FAM53B: variants seen among roughly 807,000 people sequenced by gnomAD.
The protein encoded by FAM53B is protein FAM53B.
Under a neutral mutation model 32.7 loss-of-function variants are expected in FAM53B, and 12 were observed. The observed-to-expected ratio is 0.37, with a 90% CI of 0.24 to 0.59. The LOEUF is 0.59. Ranked by LOEUF, FAM53B falls within the 20% of genes least tolerant of loss-of-function variation. FAM53B has a pLI of 0.72. For missense variants in FAM53B, 477 were observed against 577.7 expected (o/e 0.83, Z 1.79); for synonymous variants, 234 against 228.7 (o/e 1.02, Z -0.21).
chr10:124,696,300 A>G (rs568233826), intron 2 of FAM53B, 88 bp from the exon 3 acceptor site: 114 of 1,133,238 alleles, frequency 1.0e-4, no homozygotes, highest in South Asian at 8.1e-4. Flanking sequence ...AAGTCACAAT[A>G]AAAGGGTGAC....
intron 3 of FAM53B, among the ~76,000 whole-genome samples, chr10:124,687,607 C>T (rs925368622): frequency 2.6e-5 from 4 of 152,164 alleles, no homozygotes; most frequent in African/African-American, 4.8e-5. Flanking sequence ...CTGTGGAATC[C>T]GGCTGGAATG....
intron 1 of FAM53B, among the ~76,000 whole-genome samples, chr10:124,739,630 C>T (rs1169250576): frequency 2.6e-5 from 4 of 152,162 alleles, no homozygotes; most frequent in East Asian, 3.8e-4. Context: ...AAGTCCTTCC[C>T]GAGACTTACA....
intron 4 of FAM53B, among the ~76,000 whole-genome samples, chr10:124,650,308 T>C (rs1949548276): frequency 2.0e-5 from 3 of 152,322 alleles, no homozygotes; most frequent in African/African-American, 7.2e-5. Context: ...AGGTGTCGTC[T>C]ACCCTGAATC....
At chr10:124,730,598 G>A (rs571104614) in intron 1 of FAM53B, among the ~76,000 whole-genome samples, 13 of 152,190 alleles carry the variant, frequency 8.5e-5, no homozygotes, top group Non-Finnish European at 1.8e-4. Flanking sequence ...CCCACACTGG[G>A]ACACAGTCTC....
chr10:124,716,837 T>C (rs1950041049), intron 1 of FAM53B, among the ~76,000 whole-genome samples: 2 of 151,762 alleles, frequency 1.3e-5, no homozygotes, highest in African/African-American at 4.8e-5. Context: ...GATGCCGCCT[T>C]CTGCTCCAAA....
In FAM53B at chr10:124,621,245, A is replaced by G. The variant is rs1004039404; in HGVS notation, c.*1997T>C. On this transcript the variant is annotated 3_prime_UTR_variant, in exon 5 of 5. Coordinates refer to ENST00000337318, the MANE Select transcript of FAM53B (RefSeq NM_014661.4). ...GCCAGGACCCCCCACGCCCAGTGGT[A>G]CTCCGGGGGCAAGACATGGCCATGT... 2 of 152,140 alleles carry G rather than the reference A, an allele frequency of 1.3e-5. No individual in the cohort carries two copies. Among genetic ancestry groups the G allele is most frequent in the Non-Finnish European group, 2.9e-5 (2 of 68,014 alleles). 9.4% of individuals were successfully genotyped at this position (152,140 alleles called of 1,614,324 possible).
At chr10:124,722,677 A>T (rs1414369330) in intron 1 of FAM53B, among the ~76,000 whole-genome samples, 1 of 152,254 alleles carries the variant, frequency 6.6e-6, no homozygotes, top group Non-Finnish European at 1.5e-5. Flanking sequence ...TCAAAAATAT[A>T]AAAAATACTG....
intron 2 of FAM53B, among the ~76,000 whole-genome samples, chr10:124,698,900 C>T (rs905845149): frequency 6.6e-6 from 1 of 152,226 alleles, no homozygotes; most frequent in East Asian, 1.9e-4. Context: ...GCCTACAGGG[C>T]CCCATATGAG....
intron 1 of FAM53B, among the ~76,000 whole-genome samples, chr10:124,729,412 C>T (rs779704773): frequency 3.9e-5 from 6 of 152,188 alleles, no homozygotes; most frequent in Non-Finnish European, 7.3e-5. Flanking sequence ...AAATTTTCCA[C>T]GTACGACCTC....
At chr10:124,697,093 T>A (rs1949878394) in intron 2 of FAM53B, among the ~76,000 whole-genome samples, 1 of 152,064 alleles carries the variant, frequency 6.6e-6, no homozygotes, top group African/African-American at 2.4e-5. Context: ...GGTCCTCTCA[T>A]GAGCAGAGAC....
intron 4 of FAM53B, among the ~76,000 whole-genome samples, chr10:124,641,219 C>T (rs938963264): frequency 4.6e-5 from 7 of 152,182 alleles, no homozygotes; most frequent in African/African-American, 1.2e-4. Context: ...ACCTCTTCCT[C>T]GATATGTTGG....
At chr10:124,658,343 A>C (rs755969385) in intron 4 of FAM53B, among the ~76,000 whole-genome samples, 5 of 152,186 alleles carry the variant, frequency 3.3e-5, no homozygotes, top group Non-Finnish European at 7.4e-5. Context: ...CAGGAGTCCC[A>C]GGCTATGGAC....
chr10:124,641,996 C>T (rs10794173), intron 4 of FAM53B, among the ~76,000 whole-genome samples: 59,907 of 152,132 alleles, frequency 0.39, 13,699 homozygotes, highest in Non-Finnish European at 0.52. Context: ...GCTGGAGAGC[C>T]GGAAGCCTAA....
chr10:124,681,494 A>T, intron 4 of FAM53B, 113 bp downstream of exon 4: 1 of 908,938 alleles, frequency 1.1e-6, no homozygotes, highest in Non-Finnish European at 1.6e-6. Flanking sequence ...CAAGGAAATT[A>T]ACCCACTCCT....
intron 4 of FAM53B, among the ~76,000 whole-genome samples, chr10:124,626,128 C>T (rs560034839): frequency 5.3e-5 from 8 of 152,354 alleles, no homozygotes; most frequent in Admixed American, 2.6e-4. Flanking sequence ...GCGTTTTCTG[C>T]GAGCTGTCAT....
At chr10:124,693,192 C>G (rs966165968) in intron 3 of FAM53B, among the ~76,000 whole-genome samples, 1 of 152,212 alleles carries the variant, frequency 6.6e-6, no homozygotes, top group Non-Finnish European at 1.5e-5. Flanking sequence ...AGCAGGCACG[C>G]CGGGCGCGGT....
intron 1 of FAM53B, among the ~76,000 whole-genome samples, chr10:124,719,313 G>A (rs966482785): frequency 1.3e-5 from 2 of 152,128 alleles, no homozygotes; most frequent in Admixed American, 6.5e-5. Context: ...CTCTGGATAT[G>A]ACAATCAGGC....
chr10:124,647,344 C>T (rs1470607147), intron 4 of FAM53B, among the ~76,000 whole-genome samples: 1 of 152,110 alleles, frequency 6.6e-6, no homozygotes, highest in Non-Finnish European at 1.5e-5. Context: ...CTCCAGGCCT[C>T]GGGTGTTTCT....
chr10:124,708,731 G>A (rs1949978478), intron 1 of FAM53B, among the ~76,000 whole-genome samples: 2 of 152,262 alleles, frequency 1.3e-5, no homozygotes, highest in Non-Finnish European at 2.9e-5. Context: ...GTTTCTGTGT[G>A]TGAGCCCCAA....
Sources: allele counts gnomAD v4.1 joint callset (sites outside exome capture counted in the v4.1 genomes callset), GRCh38; gene constraint gnomAD v4.1.1; transcripts MANE v1.5; gene names NCBI Gene and HGNC (gene_info 2026-07-23, HGNC 2026-07-21).